MYT1L: variants seen among roughly 807,000 people sequenced by gnomAD.
The protein encoded by MYT1L is myelin transcription factor 1 like.
MYT1L carries 12 observed loss-of-function variants against 126.7 expected under a neutral mutation model. The ratio of observed to expected loss-of-function variants is 0.09; its 90% CI spans 0.06 to 0.15. The LOEUF is 0.15. Ranked by LOEUF, MYT1L falls within the 10% of genes least tolerant of loss-of-function variation. The pLI, the probability that MYT1L is intolerant of heterozygous loss-of-function variation, is 1.00. For missense variants in MYT1L, 979 were observed against 1,585.2 expected, an observed-to-expected ratio of 0.62 and a Z score of 6.49; for synonymous variants, 541 against 604.2, an observed-to-expected ratio of 0.90 and a Z score of 1.53.
In MYT1L at chr2:2,224,823, G is replaced by GA. The variant is rs5828864; in HGVS notation, c.-420-51836dup. Among the ~76,000 whole-genome samples the GA allele has an allele frequency of 1.7e-3, 255 of 146,302 alleles. No homozygotes were observed. The highest frequency in any genetic ancestry group is 7.0e-3 in the Middle Eastern group (2 of 286). On this transcript the variant is annotated intron_variant, in intron 2 of 24. Transcript: ENST00000647738. The surrounding 1 kb of genome is among the most constrained non-coding windows in gnomAD (Gnocchi z 4.0). Reference sequence around the variant, plus strand: ...AACAGAGCAAGACTCCGTCTCAAAAGAAAAAAAAAAAAAGGAAAATAAATG... The same window carrying GA: ...AACAGAGCAAGACTCCGTCTCAAAAGAAAAAAAAAAAAAAGGAAAATAAATG...
rs148280743 is a variant in MYT1L, at chr2:1,830,923, G to T, written c.3080+8226C>A. On this transcript the variant is annotated intron_variant, in intron 21 of 24. Coordinates refer to ENST00000647738, the MANE Select transcript of MYT1L (RefSeq NM_001303052.2). ...CCCTCTGCACCTCCCGCATGCACCT[G>T]CATGTCAATGGGGCTGGAGTAAGGC... 6.0e-3 allele frequency among the ~76,000 whole-genome samples: 909 copies of T among 152,308 alleles called. 11 individuals carry two copies. The highest frequency in any genetic ancestry group is 0.031 in the Admixed American group (472 of 15,308).
intron 13 of MYT1L, among the ~76,000 whole-genome samples, chr2:1,905,219 A>G (rs1267066120): frequency 6.6e-6 from 1 of 152,222 alleles, no homozygotes; most frequent in Non-Finnish European, 1.5e-5. Context: ...TTAAAAGCAG[A>G]GAGTTTCTTG....
intron 4 of MYT1L, among the ~76,000 whole-genome samples, chr2:2,046,852 C>A (rs1558843572): frequency 6.6e-6 from 1 of 152,262 alleles, no homozygotes; most frequent in East Asian, 1.9e-4. Context: ...CTTTTCAATA[C>A]TTTGCTATCA....
chr2:2,064,973 A>G (rs910511972), intron 3 of MYT1L, among the ~76,000 whole-genome samples: 3 of 152,162 alleles, frequency 2.0e-5, no homozygotes, highest in Non-Finnish European at 4.4e-5. Context: ...CTAAGTTGGG[A>G]AGATCACTTG....
In MYT1L at chr2:1,842,895, AGGCGCTTC is replaced by A. The variant is rs1558727351; in HGVS notation, c.2775-2060_2775-2053del. On this transcript the variant is annotated intron_variant, in intron 19 of 24. Transcript: ENST00000647738. ...TCCGCTTCCAGGCGCTTCCGCTTCC[AGGCGCTTC>A]CGCTTCCAGGCGCTTCCGCTTCCAG... 4.2e-4 allele frequency: 69 copies of A among 165,462 alleles called. No homozygotes were observed. In the East Asian group the frequency reaches 9.1e-3, roughly 22 times the overall value. The allele number at this position is 165,462 out of a possible 1,614,324, so 10.2% of individuals were successfully genotyped here.
intron 5 of MYT1L, among the ~76,000 whole-genome samples, chr2:1,986,678 C>G (rs1048709884): frequency 2.0e-5 from 3 of 152,142 alleles, no homozygotes; most frequent in Non-Finnish European, 4.4e-5. Flanking sequence ...AGCAGAGAAG[C>G]CCCAAAATAC....
chr2:2,295,705 C>CAGAGAGAGAGAGAGAG (rs2095674648), intron 1 of MYT1L, among the ~76,000 whole-genome samples: 1 of 12,482 alleles, frequency 8.0e-5, no homozygotes, highest in Non-Finnish European at 2.2e-4. Flanking sequence ...GAGAGAGAGA[C>CAGAGAGAGAGAGAGAG]AGACAGACAG....
chr2:2,178,018 C>A (rs909981834), intron 2 of MYT1L, among the ~76,000 whole-genome samples: 3 of 152,090 alleles, frequency 2.0e-5, no homozygotes, highest in Non-Finnish European at 4.4e-5. Context: ...CTTTTTACTG[C>A]AAATACTTCT....
chr2:2,208,792 C>A (rs2093402374), intron 2 of MYT1L, among the ~76,000 whole-genome samples: 2 of 152,062 alleles, frequency 1.3e-5, no homozygotes, highest in South Asian at 4.1e-4. Context: ...TAGGCTCTAT[C>A]ATAGTAGAAA....
chr2:2,112,619 G>A (rs149173673), intron 3 of MYT1L, among the ~76,000 whole-genome samples: 6 of 152,234 alleles, frequency 3.9e-5, no homozygotes, highest in African/African-American at 1.4e-4. Flanking sequence ...AGTTTCTGGG[G>A]AAAGGCCTGG....
At chr2:2,229,017 C>G (rs769012326) in intron 2 of MYT1L, among the ~76,000 whole-genome samples, 1 of 152,098 alleles carries the variant, frequency 6.6e-6, no homozygotes, top group Admixed American at 6.5e-5. Context: ...AGCAAACAGC[C>G]GGTTGAGAAC....
rs2048725837 is a variant in MYT1L at position 1,890,504 on chromosome 2, A to G, written c.2284-1027T>C. 3.9e-5 allele frequency among the ~76,000 whole-genome samples: 6 copies of G among 152,206 alleles called. No individual in the cohort carries two copies. The South Asian group carries it at 1.2e-3, about 32-fold the overall frequency. On this transcript the variant is annotated intron_variant, in intron 15 of 24. Coordinates refer to ENST00000647738, the MANE Select transcript of MYT1L (RefSeq NM_001303052.2). ...TTTCAGCAAACCTGCAATTTAGTCTACTGGCTTAAAAAAAAACCCCAAAGA... is the reference window on the plus strand; with the variant it reads ...TTTCAGCAAACCTGCAATTTAGTCTGCTGGCTTAAAAAAAAACCCCAAAGA...
At chr2:1,952,545 T>C (rs2057854955) in intron 8 of MYT1L, among the ~76,000 whole-genome samples, 1 of 151,812 alleles carries the variant, frequency 6.6e-6, no homozygotes, top group Non-Finnish European at 1.5e-5. Flanking sequence ...CTTATATGTC[T>C]ATTTTTTCTT....
chr2:1,836,563 T>C (rs1191141557), intron 21 of MYT1L, among the ~76,000 whole-genome samples: 2 of 148,856 alleles, frequency 1.3e-5, no homozygotes, highest in African/African-American at 5.0e-5. Context: ...TGCCCCAAAA[T>C]TCTATCAGCC....
chr2:2,272,156 C>A (rs945128000), intron 2 of MYT1L, among the ~76,000 whole-genome samples: 1 of 151,608 alleles, frequency 6.6e-6, no homozygotes, highest in Non-Finnish European at 1.5e-5. Context: ...TGCCTGAAGC[C>A]GAAGATGACA....
At chr2:2,186,009 C>T (rs1277804525) in intron 2 of MYT1L, among the ~76,000 whole-genome samples, 1 of 123,602 alleles carries the variant, frequency 8.1e-6, no homozygotes, top group Non-Finnish European at 1.6e-5. Context: ...CCTTCCGGGC[C>T]TTCCCGAGTC....
chr2:1,947,125 C>T (rs13417303), intron 8 of MYT1L, among the ~76,000 whole-genome samples: 14,551 of 152,172 alleles, frequency 0.096, 1,004 homozygotes, highest in African/African-American at 0.2. Context: ...CTAGGCCCAC[C>T]GTGACCATCT....
intron 5 of MYT1L, among the ~76,000 whole-genome samples, chr2:1,995,894 A>C (rs2061797316): frequency 6.6e-6 from 1 of 152,202 alleles, no homozygotes. Flanking sequence ...AAGAGCTACA[A>C]GAGAGAGGAA....
intron 21 of MYT1L, among the ~76,000 whole-genome samples, chr2:1,819,877 G>T (rs1558650477): frequency 6.6e-6 from 1 of 152,228 alleles, no homozygotes; most frequent in African/African-American, 2.4e-5. Context: ...TATTAGGGAA[G>T]ATCTCAAGTG....
Sources: gnomAD v4.1 joint callset for allele counts (sites outside exome capture counted in the v4.1 genomes callset) on GRCh38, gnomAD v4.1.1 for gene constraint, Gnocchi (gnomAD v3.1) non-coding constraint, MANE v1.5 for transcripts, NCBI Gene and HGNC (gene_info 2026-07-23, HGNC 2026-07-21) for gene names.